The following CHD1L variants were observed in gnomAD, a reference collection of about 807,000 sequenced individuals.
CHD1L encodes the protein ATP-dependent chromatin remodeler CHD1L.
In CHD1L, 118 loss-of-function variants were observed where a neutral mutation model predicts 115.9. The ratio of observed to expected loss-of-function variants is 1.02; its 90% CI spans 0.88 to 1.19. The LOEUF (loss-of-function observed/expected upper bound fraction) is 1.19. Among genes scored for constraint, CHD1L ranks in the 50% most tolerant of loss-of-function variants. The pLI is 0.00. For missense variants in CHD1L, 1,179 were observed against 1,065.3 expected (o/e 1.11, Z -1.49); for synonymous variants, 411 against 387.1 (o/e 1.06, Z -0.72).
chr1:147,279,893 G>T lies in CHD1L; in HGVS notation c.1540-133G>T. 2.5e-6 allele frequency: 2 copies of T among 810,244 alleles called. 1 individual carries two copies. The highest frequency in any genetic ancestry group is 4.0e-6 in the Non-Finnish European group (2 of 499,240). The allele number at this position is 810,244 out of a possible 1,614,324, so 50.2% of individuals were successfully genotyped here. On this transcript the variant is annotated intron_variant, in intron 14 of 22. Transcript: ENST00000369258. ...CCCTGGCTGTTACTATCTATGATGG[G>T]GAGAGCAGAAAGGCTGCCTGTTCAT... is the stretch of plus-strand genomic sequence containing the variant.
At chr1:147,203,969 C>T in the CHD1L span, 31 of 1,226,508 alleles carry the variant, frequency 2.5e-5, no homozygotes, top group Admixed American at 1.2e-4. Flanking sequence ...ACAGAGTCTT[C>T]GGACATCCCA....
upstream of CHD1L, among the ~76,000 whole-genome samples, chr1:147,239,233 C>T (rs939200749): frequency 3.3e-5 from 5 of 152,140 alleles, no homozygotes; most frequent in Non-Finnish European, 1.5e-5. Context: ...GAAAATCTAG[C>T]CCCTTCTTCA....
chr1:147,210,624 T>G, the CHD1L span: 1 of 152,260 alleles, frequency 6.6e-6, no homozygotes, highest in East Asian at 1.9e-4. Context: ...TTCTGCTGAG[T>G]AATGAAAACG....
chr1:147,280,305 T>A, intron 15 of CHD1L, 114 bp downstream of exon 15: 1 of 1,072,114 alleles, frequency 9.3e-7, no homozygotes, highest in Non-Finnish European at 1.3e-6. Flanking sequence ...TCCCTTACCC[T>A]ATTGTCATTT....
Position 147,271,150 on chromosome 1 carries a change from G to C in CHD1L, c.1159+145G>C, listed in dbSNP as rs142207744. On this transcript the variant is annotated intron_variant, in intron 11 of 22. Coordinates refer to ENST00000369258, the MANE Select transcript of CHD1L (RefSeq NM_004284.6). ...ATTCAGAACCAAAAAATCAAAAGGCGAGAGGAGAGTGATGTGTGAAGGCAA... is the reference window on the plus strand; with the variant it reads ...ATTCAGAACCAAAAAATCAAAAGGCCAGAGGAGAGTGATGTGTGAAGGCAA... 6.7e-5 allele frequency: 45 copies of C among 668,456 alleles called. No individual in the cohort carries two copies. The African/African-American group carries it at 6.8e-4, about 10-fold the overall frequency. 41.4% of individuals were successfully genotyped at this position (668,456 alleles called of 1,614,324 possible).
chr1:147,278,784 C>CT (rs1679660013), intron 14 of CHD1L, among the ~76,000 whole-genome samples: 1 of 152,084 alleles, frequency 6.6e-6, no homozygotes, highest in Non-Finnish European at 1.5e-5. Flanking sequence ...GAGATAGACA[C>CT]TATCTTTATC....
rs149736874 is a variant in CHD1L, at chr1:147,281,119, T to C, written c.1705+928T>C. On this transcript the variant is annotated intron_variant, in intron 15 of 22. Coordinates refer to ENST00000369258, the MANE Select transcript of CHD1L (RefSeq NM_004284.6). ...CAAAGGATGTCTTCCCACTTCTAAG[T>C]TGTCTCTCTCCCTGCCAGAAGCAAT... Among the ~76,000 whole-genome samples the C allele has an allele frequency of 7.8e-4, 119 of 152,318 alleles. 1 individual carries two copies. The highest frequency in any genetic ancestry group is 1.2e-3 in the Admixed American group (18 of 15,290).
chr1:147,236,680 C>T, the CHD1L span, among the ~76,000 whole-genome samples: 1 of 152,082 alleles, frequency 6.6e-6, no homozygotes, highest in Non-Finnish European at 1.5e-5. Context: ...CTCTCCACAG[C>T]TGGCAGGTCA....
At chr1:147,212,590 T>C in the CHD1L span, 1 of 1,510,620 alleles carries the variant, frequency 6.6e-7, no homozygotes, top group Non-Finnish European at 9.0e-7. Context: ...TAGATATCAT[T>C]TGTCAAGTCA....
chr1:147,217,236 T>C, the CHD1L span, among the ~76,000 whole-genome samples: 1 of 17,444 alleles, frequency 5.7e-5, no homozygotes, highest in East Asian at 8.5e-3. Flanking sequence ...CAAAACTCCG[T>C]CTACAAAAAA....
At position 147,261,412 on chromosome 1, in the gene CHD1L, T is replaced by TTTTTA. The variant is rs1173271515; in HGVS notation, c.576+1495_576+1496insTTTAT. Among the ~76,000 whole-genome samples, 867 of 147,458 alleles carry TTTTTA rather than the reference T, an allele frequency of 5.9e-3. 3 individuals are homozygous for TTTTTA. The highest frequency in any genetic ancestry group is 9.1e-3 in the Non-Finnish European group (617 of 67,632). Reference sequence around the variant, plus strand: ...AATGCTGCATGACACTTTTTTTTTTTTATATATAAAGGCCTTAATCTTATT... The same window carrying TTTTTA: ...AATGCTGCATGACACTTTTTTTTTTTTTTTATATATATAAAGGCCTTAATCTTATT... On this transcript the variant is annotated intron_variant, in intron 6 of 22. Transcript: ENST00000369258.
rs782097623 is a variant in CHD1L, at chr1:147,286,379, G to T, written c.2100G>T (p.Gly700=). 4 of 1,614,128 alleles carry T rather than the reference G, an allele frequency of 2.5e-6. No homozygotes were observed. In the South Asian group the frequency reaches 4.4e-5, roughly 18 times the overall value. ...EESEPEDLEN[G]EESSAELDYQ... ...GCGAGCCAGAGGACCTTGAGAATGG[G>T]GAAGAGAGCTCTGCTGAGCTGGATT... The change falls in exon 18 of 23, where the codon GGG becomes GGT. Residue 700 remains glycine, a synonymous_variant. Coordinates refer to ENST00000369258, the MANE Select transcript of CHD1L (RefSeq NM_004284.6).
chr1:147,274,050 A>C (rs1559824839), intron 12 of CHD1L, among the ~76,000 whole-genome samples: 1 of 152,240 alleles, frequency 6.6e-6, no homozygotes, highest in Non-Finnish European at 1.5e-5. Context: ...TTTTAAAATG[A>C]AATAAGCACC....
At chr1:147,231,135 T>C in the CHD1L span, among the ~76,000 whole-genome samples, 1 of 152,210 alleles carries the variant, frequency 6.6e-6, no homozygotes, top group Admixed American at 6.5e-5. Flanking sequence ...CTTTCTCTTG[T>C]GGGCATTTAG....
At chr1:147,273,637 T>G (rs1475011104) in intron 12 of CHD1L, among the ~76,000 whole-genome samples, 2 of 152,228 alleles carry the variant, frequency 1.3e-5, no homozygotes, top group African/African-American at 4.8e-5. Context: ...GTTTTATTTA[T>G]GCTTTAATGA....
At chr1:147,208,705 C>G in the CHD1L span, 32 of 618,518 alleles carry the variant, frequency 5.2e-5, no homozygotes, top group Non-Finnish European at 8.5e-5. Context: ...TCCCAGAGTG[C>G]TGGGATTACA....
intron 20 of CHD1L, among the ~76,000 whole-genome samples, chr1:147,293,336 T>C (rs1572238091): frequency 6.6e-6 from 1 of 152,104 alleles, no homozygotes; most frequent in East Asian, 1.9e-4. Context: ...CTTGAGAGCT[T>C]TTGGAAAGTA....
the CHD1L span, chr1:147,178,920 T>G: frequency 1.9e-6 from 3 of 1,590,274 alleles, no homozygotes; most frequent in Non-Finnish European, 2.6e-6. Context: ...ATGTGGACTA[T>G]GAAAAGAATG....
the CHD1L span, among the ~76,000 whole-genome samples, chr1:147,184,944 AT>A: frequency 4.6e-5 from 7 of 152,172 alleles, no homozygotes; most frequent in African/African-American, 1.7e-4. The surrounding 1 kb of genome is among the most constrained non-coding windows in gnomAD (Gnocchi z 4.4). Context: ...TACCCCATTT[AT>A]TAATGTATTC....
Sources: gnomAD v4.1 joint callset for allele counts (sites outside exome capture counted in the v4.1 genomes callset) on GRCh38, gnomAD v4.1.1 for gene constraint, Gnocchi (gnomAD v3.1) non-coding constraint, MANE v1.5 for transcripts, NCBI Gene and HGNC (gene_info 2026-07-23, HGNC 2026-07-21) for gene names.